Variants in SLIT3 observed in about 807,000 individuals in gnomAD.
SLIT3 encodes slit homolog 3 protein.
A neutral mutation model predicts 184.0 loss-of-function variants in SLIT3; 68 were observed. The ratio of observed to expected loss-of-function variants is 0.37; its 90% confidence interval spans 0.30 to 0.45. The LOEUF is 0.45. SLIT3 is among the 20% of genes least tolerant of loss of function. The pLI is 1.00. For synonymous variants in SLIT3, 831 were observed against 828.6 expected, an observed-to-expected ratio of 1.00 and a Z score of -0.05; for missense variants, 1,707 against 2,026.0, an observed-to-expected ratio of 0.84 and a Z score of 3.02.
intron 4 of SLIT3, among the ~76,000 whole-genome samples, chr5:168,952,737 T>C (rs1004582548): frequency 3.3e-5 from 5 of 152,214 alleles, no homozygotes; most frequent in Admixed American, 1.3e-4. Context: ...TCTGCTCTTG[T>C]ACTTTTTCCA....
chr5:168,797,156 G>A (rs919533341), intron 9 of SLIT3, among the ~76,000 whole-genome samples: 2 of 152,146 alleles, frequency 1.3e-5, no homozygotes, highest in African/African-American at 4.8e-5. Flanking sequence ...CAGAGACTGT[G>A]GGCTACTGGA....
At chr5:169,194,769 G>A (rs297838) in intron 3 of SLIT3, among the ~76,000 whole-genome samples, 25,951 of 152,034 alleles carry the variant, frequency 0.17, 2,946 homozygotes, top group African/African-American at 0.3. Flanking sequence ...GTTGGCCAAC[G>A]GAGCCAGTTT....
At chr5:169,288,381 T>C (rs1293607026) in intron 1 of SLIT3, among the ~76,000 whole-genome samples, 1 of 152,080 alleles carries the variant, frequency 6.6e-6, no homozygotes, top group Admixed American at 6.6e-5. Context: ...ACTTGTACTA[T>C]TTTTTTATGA....
At chr5:168,923,878 G>A (rs936478541) in intron 4 of SLIT3, among the ~76,000 whole-genome samples, 2 of 152,238 alleles carry the variant, frequency 1.3e-5, no homozygotes, top group Non-Finnish European at 2.9e-5. Flanking sequence ...ACTATGGCCT[G>A]TGGGCCAAAT....
chr5:168,714,331 G>C (rs1378253425), intron 23 of SLIT3, among the ~76,000 whole-genome samples: 3 of 152,234 alleles, frequency 2.0e-5, no homozygotes, highest in Non-Finnish European at 2.9e-5. Context: ...TGGGCCCCTG[G>C]AGAGGCATGA....
chr5:169,253,884 G>A (rs1765859886), intron 1 of SLIT3, among the ~76,000 whole-genome samples: 1 of 152,098 alleles, frequency 6.6e-6, no homozygotes, highest in Admixed American at 6.5e-5. Flanking sequence ...TACTCCCCCA[G>A]CCCACTGCCT....
chr5:168,822,905 T>C (rs1757578256), intron 7 of SLIT3, among the ~76,000 whole-genome samples: 1 of 152,144 alleles, frequency 6.6e-6, no homozygotes, highest in African/African-American at 2.4e-5. Context: ...AAGCAAATGG[T>C]GAATCATTCA....
At chr5:169,270,119 T>C (rs1031302426) in intron 1 of SLIT3, among the ~76,000 whole-genome samples, 5 of 152,198 alleles carry the variant, frequency 3.3e-5, no homozygotes. Flanking sequence ...AAAGATTGGA[T>C]TCTCATCCCT....
At chr5:169,129,836 T>C (rs1761231742) in intron 4 of SLIT3, among the ~76,000 whole-genome samples, 1 of 151,448 alleles carries the variant, frequency 6.6e-6, no homozygotes, top group East Asian at 1.9e-4. Flanking sequence ...TTTTGTTTGT[T>C]TGTTTGTTTG....
intron 4 of SLIT3, among the ~76,000 whole-genome samples, chr5:169,047,144 G>A (rs530149345): frequency 2.4e-4 from 36 of 152,062 alleles, no homozygotes; most frequent in Non-Finnish European, 3.2e-4. Context: ...TCCTGCAGAC[G>A]CCCCCAACTC....
chr5:168,804,528 C>G (rs1355764168), intron 9 of SLIT3, among the ~76,000 whole-genome samples: 1 of 152,016 alleles, frequency 6.6e-6, no homozygotes, highest in East Asian at 1.9e-4. Context: ...CACTGGACCA[C>G]AGGGACTGAA....
chr5:168,772,634 G>A, intron 14 of SLIT3, 147 bp downstream of exon 14: 2 of 750,764 alleles, frequency 2.7e-6, no homozygotes, highest in Non-Finnish European at 4.4e-6. Context: ...TTTCTGCAGG[G>A]CTAACTGAAT....
intron 4 of SLIT3, among the ~76,000 whole-genome samples, chr5:169,167,629 G>C (rs1009843096): frequency 6.6e-6 from 1 of 152,052 alleles, no homozygotes; most frequent in African/African-American, 2.4e-5. Flanking sequence ...TCCTGGGAGC[G>C]AAGTACTATG....
At chr5:169,169,991 C>T (rs10462981) in intron 4 of SLIT3, among the ~76,000 whole-genome samples, 4,452 of 152,284 alleles carry the variant, frequency 0.029, 86 homozygotes, top group South Asian at 0.095. Flanking sequence ...CAGGAATGCC[C>T]TTCCTCGCAG....
chr5:168,977,313 T>C (rs541943002), intron 4 of SLIT3, among the ~76,000 whole-genome samples: 1 of 152,308 alleles, frequency 6.6e-6, no homozygotes, highest in African/African-American at 2.4e-5. Flanking sequence ...TCGCAAGACC[T>C]ACTCAGCAAG....
intron 5 of SLIT3, among the ~76,000 whole-genome samples, chr5:168,856,319 C>T (rs904124446): frequency 1.2e-4 from 18 of 152,154 alleles, no homozygotes; most frequent in East Asian, 3.9e-4. Flanking sequence ...TTCCCTCTGA[C>T]GACATCACAG....
rs56267999 is a variant in SLIT3, at chr5:168,890,137, T to TAAA, written c.414-6804_414-6802dup. ...CCTGGGTGACAAGCGAGACTCCATCTAAAAAAAAAAAAAAAAAAAAAAGAG... is the reference window on the plus strand; with the variant it reads ...CCTGGGTGACAAGCGAGACTCCATCTAAAAAAAAAAAAAAAAAAAAAAAAAGAG... On this transcript the variant is annotated intron_variant, in intron 4 of 35. Coordinates refer to ENST00000519560, the MANE Select transcript of SLIT3 (RefSeq NM_003062.4). Among the ~76,000 whole-genome samples, 915 of 98,566 alleles carry TAAA rather than the reference T, an allele frequency of 9.3e-3. 21 individuals carry two copies. The highest frequency in any genetic ancestry group is 0.035 in the African/African-American group (844 of 24,408). The allele number at this position is 98,566 out of a possible 152,430, so 64.7% of individuals were successfully genotyped here.
At chr5:169,251,490 T>G (rs763125082) in intron 1 of SLIT3, 31 bp from the exon 2 acceptor site, 1 of 1,485,986 alleles carries the variant, frequency 6.7e-7, no homozygotes, top group Non-Finnish European at 9.4e-7. Context: ...AGGTCAGATT[T>G]TTGTGGGTTA....
intron 20 of SLIT3, among the ~76,000 whole-genome samples, chr5:168,725,085 C>G (rs989487171): frequency 2.0e-5 from 3 of 152,132 alleles, no homozygotes; most frequent in Non-Finnish European, 2.9e-5. Flanking sequence ...GGGGGGCTAT[C>G]TCTGTTGTTG....
Sources: gnomAD v4.1 joint callset for allele counts (sites outside exome capture counted in the v4.1 genomes callset) on GRCh38, gnomAD v4.1.1 for gene constraint, MANE v1.5 for transcripts, NCBI Gene and HGNC (gene_info 2026-07-23, HGNC 2026-07-21) for gene names.